PTN: variants seen among roughly 807,000 people sequenced by gnomAD.
PTN encodes heparin affin regulatory protein.
A neutral mutation model predicts 24.1 loss-of-function variants in PTN; 18 were observed. The ratio of observed to expected loss-of-function variants is 0.75; its 90% CI spans 0.52 to 1.11. PTN has a LOEUF of 1.11. Among genes scored for constraint, PTN ranks in the 50% least tolerant of loss-of-function variants. PTN has a pLI of 0.00. For synonymous variants in PTN, 78 were observed against 68.6 expected (o/e 1.14, Z -0.67); for missense variants, 163 against 198.8 (o/e 0.82, Z 1.08).
In PTN at chr7:137,251,229, C is replaced by G. The variant is rs778426923; in HGVS notation, c.451+1G>C. 1 of 1,613,836 alleles carries G rather than the reference C, an allele frequency of 6.2e-7. No homozygotes were observed. The highest frequency in any genetic ancestry group is 8.5e-7 in the Non-Finnish European group (1 of 1,179,882). ...ATTGTGGTATAATGGCAAGGACTTA[C>G]CTTGAGGTTTGGGCTTGGTCAGTTT... On this transcript the variant is annotated splice_donor_variant, in intron 4 of 4. Coordinates refer to ENST00000348225, the MANE Select transcript of PTN (RefSeq NM_002825.7). LOFTEE classifies it high-confidence loss of function.
intron 1 of PTN, among the ~76,000 whole-genome samples, chr7:137,264,419 G>A (rs1006616732): frequency 4.6e-5 from 7 of 152,136 alleles, no homozygotes; most frequent in Admixed American, 1.3e-4. Context: ...TGAGTCCCGC[G>A]ATGAGTTTCC....
intron 1 of PTN, among the ~76,000 whole-genome samples, chr7:137,275,736 T>C (rs1809350020): frequency 6.6e-6 from 1 of 152,170 alleles, no homozygotes; most frequent in African/African-American, 2.4e-5. Context: ...ATGCCCCATG[T>C]TGACTAAAAA....
At chr7:137,343,253 C>T (rs182881890) in intron 1 of PTN, among the ~76,000 whole-genome samples, 186 bp downstream of exon 1, 210 of 152,240 alleles carry the variant, frequency 1.4e-3, no homozygotes, top group Non-Finnish European at 2.4e-3. Flanking sequence ...AACCTGAAAC[C>T]CCAAAAATAT....
chr7:137,319,307 T>C lies in PTN; in HGVS notation c.-2+24132A>G, dbSNP rs941731670. On this transcript the variant is annotated intron_variant, in intron 1 of 4. Coordinates refer to ENST00000348225, the MANE Select transcript of PTN (RefSeq NM_002825.7). ...TTGAGTCATAAAGATAGAGCATTTA[T>C]CAGTCTCCGGCTTGGTAAATGTGAG... Among the ~76,000 whole-genome samples, 8 of 152,354 alleles carry C rather than the reference T, an allele frequency of 5.3e-5. No homozygotes were observed. The East Asian group carries it at 1.4e-3, about 26-fold the overall frequency.
rs181059854 is a variant in PTN, at chr7:137,263,930, G to A, written c.-1-8956C>T. Among the ~76,000 whole-genome samples the A allele has an allele frequency of 5.5e-4, 84 of 152,280 alleles. 2 individuals are homozygous for A. The highest frequency in any genetic ancestry group is 1.0e-4 in the Non-Finnish European group (7 of 68,018). On this transcript the variant is annotated intron_variant, in intron 1 of 4. Transcript: ENST00000348225. Reference sequence around the variant, plus strand: ...ATCTACTGAATGGATTTTTATCTGTGTGTTTTGAACTCCACCACGTAACTG... The same window carrying A: ...ATCTACTGAATGGATTTTTATCTGTATGTTTTGAACTCCACCACGTAACTG...
At chr7:137,246,631 G>A (rs1017308811) in intron 4 of PTN, among the ~76,000 whole-genome samples, 27 of 152,150 alleles carry the variant, frequency 1.8e-4, no homozygotes, top group African/African-American at 4.6e-4. Flanking sequence ...ACCAGAAAAC[G>A]GAATGGACAT....
At chr7:137,244,374 ATTT>A (rs1242182641) in intron 4 of PTN, among the ~76,000 whole-genome samples, 103 of 131,142 alleles carry the variant, frequency 7.9e-4, no homozygotes, top group Middle Eastern at 8.5e-3. Context: ...TCTCCTCAGA[ATTT>A]TTTTTTTTTT....
intron 1 of PTN, chr7:137,318,512 A>G (rs1810110192): frequency 6.6e-6 from 1 of 152,238 alleles, no homozygotes; most frequent in Admixed American, 6.5e-5. Flanking sequence ...ATCGTATATA[A>G]TTTTAAGAAA....
At chr7:137,322,440 G>T (rs188693059) in intron 1 of PTN, among the ~76,000 whole-genome samples, 3 of 152,172 alleles carry the variant, frequency 2.0e-5, no homozygotes, top group Admixed American at 2.0e-4. Flanking sequence ...AGATACATAG[G>T]CAGTTCTTGC....
chr7:137,314,383 G>T (rs1810034595), intron 1 of PTN, among the ~76,000 whole-genome samples: 1 of 152,118 alleles, frequency 6.6e-6, no homozygotes, highest in South Asian at 2.1e-4. Context: ...TGAGGTACCA[G>T]CAATTGATGG....
chr7:137,304,072 G>A (rs779768064), intron 1 of PTN, among the ~76,000 whole-genome samples: 21 of 152,124 alleles, frequency 1.4e-4, no homozygotes, highest in Middle Eastern at 3.4e-3. Context: ...GATATGCAGC[G>A]TGGTTCAAAG....
At position 137,237,987 on chromosome 7, in the gene PTN, A is replaced by G. The variant is rs149447843; in HGVS notation, c.452-9912T>C. Among the ~76,000 whole-genome samples the G allele has an allele frequency of 4.8e-3, 731 of 152,350 alleles. 11 individuals are homozygous for G. Among genetic ancestry groups the G allele is most frequent in the African/African-American group, 0.017 (695 of 41,592 alleles). ...TCTGTGGGCCTTGCCGCCTGCATGC[A>G]TGAACACTAGGACGCTAGAACAATT... On this transcript the variant is annotated intron_variant, in intron 4 of 4. Transcript: ENST00000348225.
intron 1 of PTN, among the ~76,000 whole-genome samples, chr7:137,304,871 A>T (rs1331846621): frequency 6.6e-6 from 1 of 152,050 alleles, no homozygotes; most frequent in Admixed American, 6.6e-5. Flanking sequence ...ATTTGCTAAG[A>T]GTTGGGAACT....
intron 1 of PTN, among the ~76,000 whole-genome samples, chr7:137,332,981 C>T (rs1810383383): frequency 6.6e-6 from 1 of 152,142 alleles, no homozygotes; most frequent in South Asian, 2.1e-4. Context: ...TTGTCCCCAC[C>T]AAACCTTATG....
chr7:137,277,383 C>A (rs987513327), intron 1 of PTN, among the ~76,000 whole-genome samples: 13 of 152,244 alleles, frequency 8.5e-5, no homozygotes, highest in Admixed American at 7.2e-4. Flanking sequence ...TATTAAAATA[C>A]ACTTATCATA....
chr7:137,293,372 A>G (rs1477466290), intron 1 of PTN, among the ~76,000 whole-genome samples: 2 of 152,166 alleles, frequency 1.3e-5, no homozygotes, highest in Admixed American at 1.3e-4. Flanking sequence ...CCCAAGCAGT[A>G]TAACTATACT....
chr7:137,327,166 C>T (rs190895541), intron 1 of PTN, among the ~76,000 whole-genome samples: 4 of 152,256 alleles, frequency 2.6e-5, no homozygotes, highest in Admixed American at 2.6e-4. Context: ...CGTTTTCAAA[C>T]CTAACTGATT....
chr7:137,238,536 T>A (rs1480792580), intron 4 of PTN, among the ~76,000 whole-genome samples: 2 of 152,192 alleles, frequency 1.3e-5, no homozygotes, highest in Non-Finnish European at 2.9e-5. Context: ...TTTAGGATTA[T>A]CATGGAAACA....
intron 1 of PTN, among the ~76,000 whole-genome samples, chr7:137,268,045 A>T (rs1045501886): frequency 2.6e-5 from 4 of 152,100 alleles, no homozygotes; most frequent in Non-Finnish European, 5.9e-5. Flanking sequence ...GCTTCCACTC[A>T]AATGAGTGGG....
Sources: gnomAD v4.1 joint callset for allele counts (sites outside exome capture counted in the v4.1 genomes callset) on GRCh38, gnomAD v4.1.1 for gene constraint, MANE v1.5 for transcripts, NCBI Gene and HGNC (gene_info 2026-07-23, HGNC 2026-07-21) for gene names.